SBNO2: variants seen among roughly 807,000 people sequenced by gnomAD.
The protein encoded by SBNO2 is strawberry notch homolog 2, also known as protein strawberry notch homolog 2.
Under a neutral mutation model 146.3 loss-of-function variants are expected in SBNO2, and 89 were observed. That is an observed-to-expected ratio of 0.61 (90% CI 0.51 to 0.73). SBNO2 has a LOEUF of 0.73. Among genes scored for constraint, SBNO2 ranks in the 30% least tolerant of loss-of-function variants. The pLI is 0.00. For missense variants in SBNO2, 2,092 were observed against 2,003.7 expected (o/e 1.04, Z -0.84); for synonymous variants, 1,147 against 892.6 (o/e 1.29, Z -5.08).
chr19:1,173,313 C>G lies in SBNO2; in HGVS notation c.-127+859G>C, dbSNP rs1435065514. Among the ~76,000 whole-genome samples, 1 of 152,348 alleles carries G rather than the reference C, an allele frequency of 6.6e-6. No homozygotes were observed. The highest frequency in any genetic ancestry group is 2.1e-4 in the South Asian group (1 of 4,832). On this transcript the variant is annotated intron_variant, in intron 1 of 31. Coordinates refer to ENST00000361757, the MANE Select transcript of SBNO2 (RefSeq NM_014963.3). This position sits in a 1 kb window ranked among gnomAD's most constrained non-coding sequence, Gnocchi z 4.7. The stretch of plus-strand genomic sequence containing the variant: ...CATCTCAGCCCGCTACCCTCCCTCC[C>G]GCCTGTCCCTGGAAGCCGGGTTTGA...
At chr19:1,146,583 C>G (rs185692263) in intron 4 of SBNO2, among the ~76,000 whole-genome samples, 402 of 152,068 alleles carry the variant, frequency 2.6e-3, no homozygotes, top group African/African-American at 9.2e-3. Context: ...GGCCCAGCAG[C>G]AGCCCCTGGC....
At chr19:1,170,796 C>A (rs1351491811) in intron 1 of SBNO2, among the ~76,000 whole-genome samples, 2 of 152,102 alleles carry the variant, frequency 1.3e-5, no homozygotes, top group Non-Finnish European at 2.9e-5. Context: ...CGGGCACACA[C>A]AACATGCACA....
At chr19:1,125,390 G>T (rs977297304) in intron 5 of SBNO2, among the ~76,000 whole-genome samples, 39 of 150,486 alleles carry the variant, frequency 2.6e-4, no homozygotes, top group Admixed American at 1.9e-3. Context: ...GTGAGCGTGG[G>T]CCGGGCATGG....
chr19:1,151,258 G>A (rs1015143152), intron 2 of SBNO2, among the ~76,000 whole-genome samples: 1 of 152,214 alleles, frequency 6.6e-6, no homozygotes, highest in Non-Finnish European at 1.5e-5. Context: ...CTTGGGCCAG[G>A]CTGGGCAGGG....
chr19:1,170,483 T>A (rs2080467050), intron 1 of SBNO2, among the ~76,000 whole-genome samples: 1 of 152,104 alleles, frequency 6.6e-6, no homozygotes, highest in Admixed American at 6.5e-5. Flanking sequence ...AGAACCAGGT[T>A]GGGGTGACCT....
chr19:1,145,816 A>G (rs935589854), intron 4 of SBNO2, among the ~76,000 whole-genome samples: 3 of 152,118 alleles, frequency 2.0e-5, no homozygotes, highest in African/African-American at 7.2e-5. Flanking sequence ...GGGTGAGGAC[A>G]GAGCCCCTGT....
chr19:1,129,780 G>A (rs1360120386), intron 4 of SBNO2, among the ~76,000 whole-genome samples: 2 of 152,194 alleles, frequency 1.3e-5, no homozygotes, highest in African/African-American at 2.4e-5. Flanking sequence ...CCTTGGTGGT[G>A]CAGGGAGCGC....
In SBNO2 at chr19:1,108,683, C is replaced by T; in HGVS notation, c.3638G>A (p.Cys1213Tyr). The T allele has an allele frequency of 6.5e-7, 1 of 1,538,164 alleles. No homozygotes were observed. The highest frequency in any genetic ancestry group is 8.7e-7 in the Non-Finnish European group (1 of 1,150,806). Residue 1213 changes from cysteine to tyrosine, a missense_variant, in exon 32 of 32, where the codon TGC becomes TAC. Coordinates refer to ENST00000361757, the MANE Select transcript of SBNO2 (RefSeq NM_014963.3). Reference protein sequence around the residue: ...KQVGIKIPEGCVRRVLQELRL... With the variant: ...KQVGIKIPEGYVRRVLQELRL... ...CAGCTCCTGCAGCACCCGGCGCACGCAGCCCTCGGGGATCTTGATGCCTGC... is the reference window on the plus strand; with the variant it reads ...CAGCTCCTGCAGCACCCGGCGCACGTAGCCCTCGGGGATCTTGATGCCTGC...
intron 19 of SBNO2, among the ~76,000 whole-genome samples, 171 bp from the exon 20 acceptor site, chr19:1,113,120 G>A (rs900350725): frequency 1.3e-5 from 2 of 152,332 alleles, no homozygotes; most frequent in Admixed American, 1.3e-4. Flanking sequence ...CAGGCGATGT[G>A]TGCCTGTCCA....
chr19:1,173,413 C>T lies in SBNO2; in HGVS notation c.-127+759G>A, dbSNP rs2080500089. 6.6e-6 allele frequency among the ~76,000 whole-genome samples: 1 copy of T among 152,220 alleles called. No individual in the cohort carries two copies. Among genetic ancestry groups the T allele is most frequent in the South Asian group, 2.1e-4 (1 of 4,830 alleles). On this transcript the variant is annotated intron_variant, in intron 1 of 31. Transcript: ENST00000361757. The surrounding 1 kb of genome is among the most constrained non-coding windows in gnomAD (Gnocchi z 4.7). ...CGGCCCCGGGGTCACCTAATATCAG[C>T]AAGCCCCCATCCCAAACCGGGGGAC...
chr19:1,157,276 T>C lies in SBNO2; in HGVS notation c.-126-2874A>G, dbSNP rs1568631133. ...CCCCAATCCCCAGGATAAACCCTAG[T>C]GGGACACTGGGTGGGGTCTTGGGGC... On this transcript the variant is annotated intron_variant, in intron 1 of 31. Coordinates refer to ENST00000361757, the MANE Select transcript of SBNO2 (RefSeq NM_014963.3). This position sits in a 1 kb window ranked among gnomAD's most constrained non-coding sequence, Gnocchi z 6.8. Among the ~76,000 whole-genome samples the C allele has an allele frequency of 6.6e-6, 1 of 152,104 alleles. No individual in the cohort carries two copies. The highest frequency in any genetic ancestry group is 1.5e-5 in the Non-Finnish European group (1 of 68,000).
intron 1 of SBNO2, among the ~76,000 whole-genome samples, chr19:1,154,891 CA>C (rs1370860066): frequency 6.6e-6 from 1 of 152,200 alleles, no homozygotes; most frequent in Non-Finnish European, 1.5e-5. Context: ...GGAGGGGGGT[CA>C]GGGGCCACGC....
chr19:1,117,280 C>T, intron 15 of SBNO2, 43 bp downstream of exon 15: 1 of 1,523,274 alleles, frequency 6.6e-7, no homozygotes, highest in Non-Finnish European at 8.8e-7. Context: ...TCCGCCCCTG[C>T]AGGCCCGGCC....
At chr19:1,124,904 C>T (rs1178269424) in intron 5 of SBNO2, among the ~76,000 whole-genome samples, 2 of 152,076 alleles carry the variant, frequency 1.3e-5, no homozygotes, top group Non-Finnish European at 2.9e-5. Context: ...TGTGGCCCGT[C>T]GTCATGCCCA....
intron 1 of SBNO2, among the ~76,000 whole-genome samples, chr19:1,163,380 C>G (rs1470788023): frequency 6.6e-6 from 1 of 152,186 alleles, no homozygotes; most frequent in Non-Finnish European, 1.5e-5. Context: ...GAAGGGTCCT[C>G]CCCTGGAGCT....
In SBNO2 at chr19:1,110,790, T is replaced by C. The variant is rs763662250; in HGVS notation, c.2983A>G (p.Ile995Val). 1 of 1,612,584 alleles carries C rather than the reference T, an allele frequency of 6.2e-7. No homozygotes were observed. The highest frequency in any genetic ancestry group is 8.5e-7 in the Non-Finnish European group (1 of 1,178,788). Residue 995 changes from isoleucine to valine, a missense_variant, in exon 26 of 32, where the codon ATC becomes GTC. Physicochemically the swap from Ile to Val is conservative, Grantham distance 29. Transcript: ENST00000361757. The surrounding 1 kb of genome is among the most constrained non-coding windows in gnomAD (Gnocchi z 4.9). ...TTGCCCTCCCGCTTGTCCATCTCGATGAGGTGGTCGAAGGTGTCTGAGAAG... is the reference window on the plus strand; with the variant it reads ...TTGCCCTCCCGCTTGTCCATCTCGACGAGGTGGTCGAAGGTGTCTGAGAAG... ...QYFSDTFDHL[I>V]EMDKREGKYD...
intron 6 of SBNO2, 116 bp from the exon 7 acceptor site, chr19:1,123,755 G>A: frequency 1.7e-6 from 2 of 1,145,950 alleles, no homozygotes; most frequent in Non-Finnish European, 1.2e-6. Flanking sequence ...CCAGGGGTGG[G>A]AGACGGCTCT....
intron 19 of SBNO2, 116 bp from the exon 20 acceptor site, chr19:1,113,065 C>G: frequency 2.5e-6 from 3 of 1,207,882 alleles, no homozygotes; most frequent in South Asian, 1.5e-5. Context: ...CAGCTGTGCA[C>G]GGGAGGTGGG....
rs1331375376 is a variant in SBNO2, at chr19:1,114,295, G to C, written c.2013C>G (p.Pro671=). The C allele has an allele frequency of 1.4e-5, 22 of 1,553,444 alleles. No individual in the cohort carries two copies. The African/African-American group carries it at 1.8e-4, about 13-fold the overall frequency. ...PGLDSDFNSS[P]ESLVDDDVVI... is the part of the protein sequence containing the mutation. ...CAACGTCGTCATCCACCAGGGACTCGGGGGAGGAGTTGAAGTCGCTGTCCA... is the reference window on the plus strand; with the variant it reads ...CAACGTCGTCATCCACCAGGGACTCCGGGGAGGAGTTGAAGTCGCTGTCCA... The change falls in exon 18 of 32, where the codon CCC becomes CCG. Residue 671 remains proline (P), a synonymous_variant. Coordinates refer to ENST00000361757, the MANE Select transcript of SBNO2 (RefSeq NM_014963.3).
Sources: allele counts gnomAD v4.1 joint callset (sites outside exome capture counted in the v4.1 genomes callset), GRCh38; gene constraint gnomAD v4.1.1; non-coding constraint Gnocchi (gnomAD v3.1); transcripts MANE v1.5; gene names NCBI Gene and HGNC (gene_info 2026-07-23, HGNC 2026-07-21).